Variants in NT5DC1 observed in about 807,000 individuals in gnomAD.
The protein encoded by NT5DC1 is 5'-nucleotidase domain-containing protein 1.
NT5DC1 carries 42 observed loss-of-function variants against 59.4 expected under a neutral mutation model. The observed-to-expected ratio is 0.71, with a 90% confidence interval of 0.55 to 0.92. The LOEUF is 0.92. Ranked by LOEUF, NT5DC1 falls within the 40% of genes least tolerant of loss-of-function variation. The probability of loss-of-function intolerance (pLI) is 0.00; values close to 1 mark genes in which losing one functional copy is unlikely to be tolerated. For missense variants in NT5DC1, 501 were observed against 537.1 expected, an observed-to-expected ratio of 0.93 and a Z score of 0.66; for synonymous variants, 172 against 188.1, an observed-to-expected ratio of 0.91 and a Z score of 0.70.
At chr6:116,238,690 A>G (rs921127190) in intron 10 of NT5DC1, among the ~76,000 whole-genome samples, 13 of 152,060 alleles carry the variant, frequency 8.5e-5, no homozygotes, top group African/African-American at 3.1e-4. Flanking sequence ...TAGGGAAAAA[A>G]TTATGTTTTC....
At chr6:116,193,755 A>T (rs1781168948) in intron 6 of NT5DC1, among the ~76,000 whole-genome samples, 1 of 115,846 alleles carries the variant, frequency 8.6e-6, no homozygotes, top group Non-Finnish European at 1.8e-5. Context: ...TTAAACATAT[A>T]ATTATACTGT....
At chr6:116,148,533 A>G (rs918555756) in intron 6 of NT5DC1, among the ~76,000 whole-genome samples, 4 of 152,110 alleles carry the variant, frequency 2.6e-5, no homozygotes, top group Admixed American at 6.5e-5. Flanking sequence ...GTGGATGTTG[A>G]TTTTCATTGT....
At chr6:116,176,189 G>C (rs1780731434) in intron 6 of NT5DC1, among the ~76,000 whole-genome samples, 1 of 152,134 alleles carries the variant, frequency 6.6e-6, no homozygotes, top group Admixed American at 6.6e-5. Flanking sequence ...CTAGAGTGTT[G>C]TTGCCTAGTG....
At chr6:116,223,172 G>T (rs1484795462) in intron 8 of NT5DC1, 41 bp downstream of exon 8, 2 of 1,051,358 alleles carry the variant, frequency 1.9e-6, no homozygotes, top group Admixed American at 1.8e-5. Context: ...GTATACAGTT[G>T]GCTAACAACC....
At chr6:116,241,937 A>AC (rs1771736009) in intron 11 of NT5DC1, among the ~76,000 whole-genome samples, 2 of 19,316 alleles carry the variant, frequency 1.0e-4, no homozygotes, top group African/African-American at 6.0e-4. Flanking sequence ...AAAAAAAAAA[A>AC]ACAAAACAAA....
chr6:116,131,674 CT>C (rs1023777237), intron 6 of NT5DC1, among the ~76,000 whole-genome samples: 2 of 151,922 alleles, frequency 1.3e-5, no homozygotes, highest in Admixed American at 6.6e-5. Flanking sequence ...AATACAAATA[CT>C]TTTTTTTAAC....
chr6:116,212,991 C>T (rs1298759904), intron 6 of NT5DC1, among the ~76,000 whole-genome samples: 1 of 152,060 alleles, frequency 6.6e-6, no homozygotes, highest in Non-Finnish European at 1.5e-5. Flanking sequence ...AGCCTGTTTA[C>T]TTTTATTTCA....
At chr6:116,135,750 CT>C (rs1779574417) in intron 6 of NT5DC1, among the ~76,000 whole-genome samples, 1 of 147,910 alleles carries the variant, frequency 6.8e-6, no homozygotes, top group African/African-American at 2.5e-5. Context: ...AAATACTCAG[CT>C]TAAAAAATTT....
intron 6 of NT5DC1, among the ~76,000 whole-genome samples, chr6:116,220,419 G>A (rs1421172065): frequency 6.6e-6 from 1 of 152,172 alleles, no homozygotes; most frequent in Admixed American, 6.5e-5. Flanking sequence ...GGCAGAGCAA[G>A]CAACCCCGCT....
chr6:116,236,089 C>T (rs1379680995), intron 8 of NT5DC1, among the ~76,000 whole-genome samples: 1 of 152,116 alleles, frequency 6.6e-6, no homozygotes, highest in Non-Finnish European at 1.5e-5. Flanking sequence ...CTTAGTGGCA[C>T]AGCAAAGAGG....
intron 6 of NT5DC1, among the ~76,000 whole-genome samples, chr6:116,217,920 G>A (rs1245229747): frequency 6.6e-6 from 1 of 152,012 alleles, no homozygotes; most frequent in Non-Finnish European, 1.5e-5. Flanking sequence ...GTATAATTAT[G>A]TCTCCTATTC....
chr6:116,197,833 A>AT (rs751724904), intron 6 of NT5DC1, among the ~76,000 whole-genome samples: 62 of 152,080 alleles, frequency 4.1e-4, no homozygotes, highest in Admixed American at 1.3e-4. Context: ...GTTTGCTACC[A>AT]TTGAGAAGCG....
intron 6 of NT5DC1, among the ~76,000 whole-genome samples, chr6:116,197,821 A>G (rs562553153): frequency 6.6e-6 from 1 of 152,184 alleles, no homozygotes; most frequent in South Asian, 2.1e-4. Flanking sequence ...TTTCTTCTTT[A>G]TGTTTGCTAC....
rs112577814 is a variant in NT5DC1 at position 116,115,648 on chromosome 6, C to T, written c.365-43C>T. ...TATTCCTGTGTATTTCACATGCATG[C>T]AGCATTATGTTGTTCCCAGTTTAAA... is the stretch of plus-strand genomic sequence containing the variant. On this transcript the variant is annotated intron_variant, in intron 4 of 11. Coordinates refer to ENST00000319550, the MANE Select transcript of NT5DC1 (RefSeq NM_152729.3). 106 of 923,976 alleles carry T rather than the reference C, an allele frequency of 1.1e-4. No individual in the cohort carries two copies. The African/African-American group carries it at 1.4e-3, about 12-fold the overall frequency. 57.2% of individuals were successfully genotyped at this position (923,976 alleles called of 1,614,324 possible).
intron 6 of NT5DC1, among the ~76,000 whole-genome samples, chr6:116,140,652 C>G (rs961593547): frequency 6.6e-6 from 1 of 152,086 alleles, no homozygotes; most frequent in African/African-American, 2.4e-5. Context: ...CTCTGTCCTT[C>G]TAGAAAGTAT....
At chr6:116,224,116 C>A (rs946756334) in intron 8 of NT5DC1, among the ~76,000 whole-genome samples, 1 of 152,148 alleles carries the variant, frequency 6.6e-6, no homozygotes, top group East Asian at 1.9e-4. Context: ...ATATACATTT[C>A]TCTACTTTCC....
At chr6:116,213,306 A>G (rs1276781574) in intron 6 of NT5DC1, among the ~76,000 whole-genome samples, 6 of 152,108 alleles carry the variant, frequency 3.9e-5, no homozygotes, top group Non-Finnish European at 7.4e-5. Context: ...CTCAACACTC[A>G]GCTGGGGCTG....
intron 6 of NT5DC1, among the ~76,000 whole-genome samples, chr6:116,150,898 C>CA (rs1453663275): frequency 3.3e-5 from 5 of 152,188 alleles, no homozygotes; most frequent in Admixed American, 6.5e-5. Flanking sequence ...TTAACCATTA[C>CA]ATAGGTTGAT....
chr6:116,101,855 C>T (rs1293727505), intron 1 of NT5DC1, among the ~76,000 whole-genome samples: 14 of 152,154 alleles, frequency 9.2e-5, no homozygotes, highest in African/African-American at 2.4e-5. Flanking sequence ...ATCTAAGCAT[C>T]CAGACAGAAA....
Sources: allele counts gnomAD v4.1 joint callset (sites outside exome capture counted in the v4.1 genomes callset), GRCh38; gene constraint gnomAD v4.1.1; transcripts MANE v1.5; gene names NCBI Gene and HGNC (gene_info 2026-07-23, HGNC 2026-07-21).